The following ZNF565 variants were observed in gnomAD, a reference collection of about 807,000 sequenced individuals.
ZNF565 encodes the protein zinc finger protein 565.
Under a neutral mutation model 39.4 loss-of-function variants are expected in ZNF565, and 27 were observed. That is an observed-to-expected ratio of 0.69 (90% CI 0.51 to 0.95). The LOEUF (loss-of-function observed/expected upper bound fraction) is 0.95. Ranked by LOEUF, ZNF565 falls within the 40% of genes least tolerant of loss-of-function variation. ZNF565 has a pLI of 0.00. For synonymous variants in ZNF565, 185 were observed against 216.6 expected, an observed-to-expected ratio of 0.85 and a Z score of 1.28; for missense variants, 524 against 621.1, an observed-to-expected ratio of 0.84 and a Z score of 1.66.
At chr19:36,241,153 A>G (rs1977792343) in intron 1 of ZNF565, among the ~76,000 whole-genome samples, 1 of 152,220 alleles carries the variant, frequency 6.6e-6, no homozygotes, top group Non-Finnish European at 1.5e-5. Flanking sequence ...ATTTTCAACT[A>G]GAATGCCAAA....
rs1191892093 is a variant in ZNF565 at position 36,232,181 on chromosome 19, C to T, written c.55+13295G>A. On this transcript the variant is annotated intron_variant, in intron 1 of 4. Transcript: ENST00000355114. ...CTGCACTCCGGCCTGGGCAACAGAGCGAGACTCCATCTCAAAAAAAAAAAA... is the reference window on the plus strand; with the variant it reads ...CTGCACTCCGGCCTGGGCAACAGAGTGAGACTCCATCTCAAAAAAAAAAAA... Among the ~76,000 whole-genome samples, 16 of 130,920 alleles carry T rather than the reference C, an allele frequency of 1.2e-4. No homozygotes were observed. In the East Asian group the frequency reaches 2.2e-3, roughly 18 times the overall value. 85.9% of individuals were successfully genotyped at this position (130,920 alleles called of 152,430 possible). A position where few individuals can be genotyped will look rare whatever the true frequency, so the allele number is the denominator to read the frequency against.
At chr19:36,210,724 A>G (rs1208858400) in intron 1 of ZNF565, among the ~76,000 whole-genome samples, 2 of 151,572 alleles carry the variant, frequency 1.3e-5, no homozygotes, top group African/African-American at 4.8e-5. Flanking sequence ...TCCCGGGCTC[A>G]AGCAATCCTC....
rs1976085953 is a variant in ZNF565, at chr19:36,204,647, TA to T, written c.-65-2598del. ...AATTTAATTTAAATTTAATTAGCTC[TA>T]GAATCTAGAGGCAGATAATGCTGGA... is the stretch of plus-strand genomic sequence containing the variant. On this transcript the variant is annotated intron_variant, in intron 1 of 4. Coordinates refer to ENST00000304116, the MANE Select transcript of ZNF565 (RefSeq NM_152477.5). Among the ~76,000 whole-genome samples the T allele has an allele frequency of 2.0e-5, 3 of 152,194 alleles. No individual in the cohort carries two copies. In the South Asian group the frequency reaches 6.2e-4, roughly 32 times the overall value.
chr19:36,233,503 C>T (rs899383884), intron 1 of ZNF565, among the ~76,000 whole-genome samples: 4 of 151,928 alleles, frequency 2.6e-5, no homozygotes, highest in Admixed American at 2.6e-4. Flanking sequence ...ATACGGAGGA[C>T]CTCTCAAGAG....
chr19:36,217,055 C>CTTTTTT (rs752632008), upstream of ZNF565, among the ~76,000 whole-genome samples: 1,019 of 65,846 alleles, frequency 0.015, 104 homozygotes, highest in African/African-American at 0.026. Flanking sequence ...CAGTCCCTGT[C>CTTTTTT]TTTTTTTTTT....
In ZNF565 at chr19:36,245,451, G is replaced by A; in HGVS notation, c.55+25C>T. 1 of 702,262 alleles carries A rather than the reference G, an allele frequency of 1.4e-6. No individual in the cohort carries two copies. Among genetic ancestry groups the A allele is most frequent in the Non-Finnish European group, 2.6e-6 (1 of 384,762 alleles). The allele number at this position is 702,262 out of a possible 1,614,324, so 43.5% of individuals were successfully genotyped here. ...GAAAATCCGGATCACATTTCCCGTG[G>A]TCCACCGCGCATCTAGGAGGTTACC... On this transcript the variant is annotated intron_variant, in intron 1 of 4. Transcript: ENST00000355114. The surrounding 1 kb of genome is among the most constrained non-coding windows in gnomAD (Gnocchi z 4.4).
intron 3 of ZNF565, chr19:36,194,543 T>G: frequency 2.0e-6 from 1 of 507,962 alleles, no homozygotes; most frequent in Non-Finnish European, 3.5e-6. Flanking sequence ...ACTTGTAAGT[T>G]GCCCTAGAAA....
intron 1 of ZNF565, among the ~76,000 whole-genome samples, chr19:36,240,281 G>C (rs557332036): frequency 6.6e-6 from 1 of 152,294 alleles, no homozygotes; most frequent in South Asian, 2.1e-4. Flanking sequence ...TTCTAGCTAG[G>C]CATGTGCCAC....
chr19:36,194,241 C>T lies in ZNF565; in HGVS notation c.224G>A (p.Trp75Ter), dbSNP rs1481707836. ...AATCGGCCCTCGCTTACCTGGGCAC[C>T]ATGGTCCTGTCACATCATTTGCAAT... The part of the protein sequence containing the change: ...WMIANDVTGP[W>*]CPDLESRCEK... The change falls in exon 4 of 5, where the codon TGG (tryptophan) becomes TAG (stop). Residue 75 changes from tryptophan to a stop codon, truncating the protein, a stop_gained. Transcript: ENST00000304116. LOFTEE classifies it low-confidence loss of function (END_TRUNC). The T allele has an allele frequency of 5.6e-6, 9 of 1,611,692 alleles. No homozygotes were observed. The highest frequency in any genetic ancestry group is 7.6e-6 in the Non-Finnish European group (9 of 1,178,940).
intron 4 of ZNF565, among the ~76,000 whole-genome samples, chr19:36,192,410 G>A (rs906974140): frequency 2.0e-5 from 3 of 152,076 alleles, no homozygotes; most frequent in East Asian, 2.0e-4. Context: ...TTAGACAAAC[G>A]TAAAGTGAGA....
At chr19:36,220,231 A>G (rs982236293) in intron 1 of ZNF565, among the ~76,000 whole-genome samples, 74 of 152,306 alleles carry the variant, frequency 4.9e-4, no homozygotes, top group African/African-American at 1.7e-3. Context: ...GGCCATTTTA[A>G]ATTGCAGAGC....
chr19:36,203,775 C>A (rs1417251341), intron 1 of ZNF565, among the ~76,000 whole-genome samples: 1 of 151,834 alleles, frequency 6.6e-6, no homozygotes, highest in Non-Finnish European at 1.5e-5. Flanking sequence ...CGCGGTTTCA[C>A]CATGTTGGCC....
chr19:36,228,719 A>G (rs927470282), intron 1 of ZNF565: 4 of 152,346 alleles, frequency 2.6e-5, no homozygotes, highest in Non-Finnish European at 2.9e-5. Flanking sequence ...CAGCATTAAC[A>G]TTGTAATACT....
chr19:36,209,978 G>A (rs750959986), intron 1 of ZNF565, among the ~76,000 whole-genome samples: 7 of 151,952 alleles, frequency 4.6e-5, no homozygotes, highest in African/African-American at 9.7e-5. Flanking sequence ...AAAGGGAAAT[G>A]GAGGCAAGAC....
At position 36,235,489 on chromosome 19, in the gene ZNF565, G is replaced by A. The variant is rs560677704; in HGVS notation, c.55+9987C>T. Among the ~76,000 whole-genome samples the A allele has an allele frequency of 5.3e-5, 8 of 152,234 alleles. No homozygotes were observed. In the South Asian group the frequency reaches 1.7e-3, roughly 32 times the overall value. On this transcript the variant is annotated intron_variant, in intron 1 of 4. Coordinates refer to the ZNF565 transcript ENST00000355114. The stretch of plus-strand genomic sequence containing the variant: ...AGATTATTTTCATATTGGGAGATGG[G>A]CTACCAGAGTTAATCTCAAAAAATT...
At chr19:36,241,829 G>A (rs1460243288) in intron 1 of ZNF565, among the ~76,000 whole-genome samples, 1 of 144,660 alleles carries the variant, frequency 6.9e-6, no homozygotes, top group Non-Finnish European at 1.5e-5. Context: ...GTACAAAGAT[G>A]AATTTGGACT....
rs750757831 is a variant in ZNF565 at position 36,182,541 on chromosome 19, G to A, written c.1425C>T (p.Tyr475=). ...ATGCCTGCCCACACTCTCTACATTC[G>A]TAAGGTTTGATACCAGGATGAATTC... The part of the protein sequence containing the change: ...HQRIHPGIKP[Y]ECRECGQAFI... The change falls in exon 5 of 5, where the codon TAC becomes TAT. Residue 475 remains tyrosine (Y), a synonymous_variant. Transcript: ENST00000304116. 1.4e-5 allele frequency: 22 copies of A among 1,612,152 alleles called. No homozygotes were observed. The highest frequency in any genetic ancestry group is 5.5e-5 in the South Asian group (5 of 90,724).
chr19:36,184,977 G>T (rs745351628), intron 4 of ZNF565, among the ~76,000 whole-genome samples: 4 of 151,912 alleles, frequency 2.6e-5, no homozygotes, highest in Non-Finnish European at 5.9e-5. Context: ...AAATTAGCAG[G>T]CATGGTGGCA....
chr19:36,198,821 A>G (rs547133802), intron 2 of ZNF565, among the ~76,000 whole-genome samples: 1 of 152,222 alleles, frequency 6.6e-6, no homozygotes, highest in Non-Finnish European at 1.5e-5. Context: ...GCTGGTCTTG[A>G]ACTCCTGATC....
Sources: gnomAD v4.1 joint callset for allele counts (sites outside exome capture counted in the v4.1 genomes callset) on GRCh38, gnomAD v4.1.1 for gene constraint, Gnocchi (gnomAD v3.1) non-coding constraint, MANE v1.5 for transcripts, NCBI Gene and HGNC (gene_info 2026-07-23, HGNC 2026-07-21) for gene names.